Variants in GALNT11 observed in about 807,000 individuals in gnomAD.
The protein encoded by GALNT11 is UDP-GalNAc:polypeptide N-acetylgalactosaminyltransferase 11.
A neutral mutation model predicts 72.7 loss-of-function variants in GALNT11; 47 were observed. The ratio of observed to expected loss-of-function variants is 0.65; its 90% CI spans 0.51 to 0.82. The LOEUF (loss-of-function observed/expected upper bound fraction) is 0.82, where lower values mean the gene tolerates loss of function less well. Among genes scored for constraint, GALNT11 ranks in the 40% least tolerant of loss-of-function variants. GALNT11 has a pLI of 0.00. For synonymous variants in GALNT11, 270 were observed against 286.6 expected (o/e 0.94, Z 0.58); for missense variants, 677 against 778.4 (o/e 0.87, Z 1.55).
chr7:152,055,219 A>G (rs1430821278), intron 1 of GALNT11, among the ~76,000 whole-genome samples: 1 of 152,178 alleles, frequency 6.6e-6, no homozygotes, highest in Non-Finnish European at 1.5e-5. Flanking sequence ...ACTCTGAGGT[A>G]CTGGGGGTTA....
intron 1 of GALNT11, among the ~76,000 whole-genome samples, chr7:152,069,352 A>G (rs1023831078): frequency 2.0e-5 from 3 of 152,202 alleles, no homozygotes; most frequent in Non-Finnish European, 2.9e-5. Flanking sequence ...AATGTGGTCT[A>G]TATTGGTGAA....
At chr7:152,082,969 G>A (rs1432074844) in intron 1 of GALNT11, among the ~76,000 whole-genome samples, 1 of 152,080 alleles carries the variant, frequency 6.6e-6, no homozygotes, top group Non-Finnish European at 1.5e-5. Flanking sequence ...TAAGGTTGTT[G>A]GTCCTTTATT....
intron 1 of GALNT11, among the ~76,000 whole-genome samples, chr7:152,080,935 A>T (rs1170193582): frequency 6.6e-6 from 1 of 152,078 alleles, no homozygotes; most frequent in African/African-American, 2.4e-5. Context: ...TCGCCACTGC[A>T]CTCCAGCCTG....
intron 1 of GALNT11, among the ~76,000 whole-genome samples, chr7:152,038,796 C>T (rs2082709881): frequency 6.6e-6 from 1 of 152,218 alleles, no homozygotes. Flanking sequence ...AGGTTACTAG[C>T]TGCTAATCTG....
chr7:152,116,437 C>T (rs1253433014), intron 8 of GALNT11, among the ~76,000 whole-genome samples: 1 of 152,102 alleles, frequency 6.6e-6, no homozygotes, highest in Non-Finnish European at 1.5e-5. Context: ...ACGGTTTCAC[C>T]ATGTTTGGCC....
chr7:152,063,570 A>G (rs918363932), intron 1 of GALNT11, among the ~76,000 whole-genome samples: 5 of 152,074 alleles, frequency 3.3e-5, no homozygotes, highest in African/African-American at 1.2e-4. Context: ...TCAATTTTAG[A>G]TCTTTCCTGC....
At chr7:152,121,497 T>C (rs368944063) in intron 11 of GALNT11, 49 bp from the exon 12 acceptor site, 5 of 1,582,406 alleles carry the variant, frequency 3.2e-6, no homozygotes, top group Non-Finnish European at 4.3e-6. Context: ...TGGATTTCCA[T>C]GTTTTGCCAG....
intron 1 of GALNT11, among the ~76,000 whole-genome samples, chr7:152,035,234 T>A (rs1347682458): frequency 6.6e-6 from 1 of 152,180 alleles, no homozygotes; most frequent in Admixed American, 6.5e-5. Flanking sequence ...AAAAATTATG[T>A]CTTTCTAATT....
chr7:152,117,064 A>G lies in GALNT11; in HGVS notation c.1234-93A>G, dbSNP rs2088937703. On this transcript the variant is annotated intron_variant, in intron 8 of 11. Coordinates refer to ENST00000430044, the MANE Select transcript of GALNT11 (RefSeq NM_022087.4). Reference sequence around the variant, plus strand: ...GTACATGTTATTATCATTGTTAGTAATGGACTTAATCGTGTAAAAAATCTC... The same window carrying G: ...GTACATGTTATTATCATTGTTAGTAGTGGACTTAATCGTGTAAAAAATCTC... The G allele has an allele frequency of 5.0e-5, 53 of 1,062,652 alleles. No individual in the cohort carries two copies. The South Asian group carries it at 7.0e-4, about 14-fold the overall frequency. 65.8% of individuals were successfully genotyped at this position (1,062,652 alleles called of 1,614,324 possible). A position where few individuals can be genotyped will look rare whatever the true frequency, so the allele number is the denominator to read the frequency against.
chr7:152,113,240 G>A lies in GALNT11; in HGVS notation c.1081-6G>A, dbSNP rs780456318. 1 of 1,603,880 alleles carries A rather than the reference G, an allele frequency of 6.2e-7. No homozygotes were observed. Among genetic ancestry groups the A allele is most frequent in the Non-Finnish European group, 8.5e-7 (1 of 1,176,054 alleles). ...ACTGTTAACACCTGTTTTTGCTTCT[G>A]GCCAGATCTGGATGTGTGGCGGTAA... On this transcript the variant is annotated splice_polypyrimidine_tract_variant and splice_region_variant and intron_variant, in intron 7 of 11. Transcript: ENST00000430044.
At chr7:152,077,290 A>T (rs2085044521) in intron 1 of GALNT11, among the ~76,000 whole-genome samples, 1 of 152,222 alleles carries the variant, frequency 6.6e-6, no homozygotes, top group South Asian at 2.1e-4. Context: ...CATAGTAAAG[A>T]ATTACTGGGT....
intron 1 of GALNT11, among the ~76,000 whole-genome samples, chr7:152,086,892 G>T (rs1458233952): frequency 6.6e-6 from 1 of 152,100 alleles, no homozygotes; most frequent in Non-Finnish European, 1.5e-5. Context: ...GTTGTTCTGT[G>T]CTAGTTTTTA....
intron 2 of GALNT11, among the ~76,000 whole-genome samples, chr7:152,097,894 T>C (rs541448205): frequency 6.6e-6 from 1 of 152,328 alleles, no homozygotes; most frequent in African/African-American, 2.4e-5. Flanking sequence ...GGTTTTCTTC[T>C]GCGGTGCTGA....
intron 2 of GALNT11, among the ~76,000 whole-genome samples, chr7:152,100,229 G>C (rs2086754260): frequency 6.6e-6 from 1 of 152,006 alleles, no homozygotes; most frequent in Admixed American, 6.6e-5. Context: ...TTTTTTCCTG[G>C]TTGCAGGTAA....
chr7:152,044,589 A>T (rs1284233665), intron 1 of GALNT11, among the ~76,000 whole-genome samples: 1 of 152,140 alleles, frequency 6.6e-6, no homozygotes, highest in Non-Finnish European at 1.5e-5. Flanking sequence ...TTCGTTTTTC[A>T]GATTGTTTGC....
At chr7:152,104,491 G>A (rs1279364096) in intron 4 of GALNT11, 1 of 152,094 alleles carries the variant, frequency 6.6e-6, no homozygotes, top group Non-Finnish European at 1.5e-5. Flanking sequence ...ATAAATCTGA[G>A]TCTGGACCAC....
At chr7:152,065,102 G>C (rs570974827) in intron 1 of GALNT11, among the ~76,000 whole-genome samples, 5 of 152,214 alleles carry the variant, frequency 3.3e-5, no homozygotes, top group Non-Finnish European at 1.5e-5. Flanking sequence ...ATCAGACGTA[G>C]ATTTGGTCTT....
chr7:152,077,259 A>G (rs1273653042), intron 1 of GALNT11, among the ~76,000 whole-genome samples: 1 of 152,172 alleles, frequency 6.6e-6, no homozygotes, highest in African/African-American at 2.4e-5. Flanking sequence ...ACTTTTCTGA[A>G]AAGCATCAAG....
chr7:152,118,475 CT>C (rs1355115809), intron 9 of GALNT11: 1 of 502,072 alleles, frequency 2.0e-6, no homozygotes, highest in East Asian at 3.8e-5. Context: ...CTGCTAATAA[CT>C]TTTGGAGTTA....
Sources: allele counts gnomAD v4.1 joint callset (sites outside exome capture counted in the v4.1 genomes callset), GRCh38; gene constraint gnomAD v4.1.1; transcripts MANE v1.5; gene names NCBI Gene and HGNC (gene_info 2026-07-23, HGNC 2026-07-21).